Variants in TBC1D22A observed in about 807,000 individuals in gnomAD.
TBC1D22A encodes putative GTPase activator.
In TBC1D22A, 38 loss-of-function variants were observed where a neutral mutation model predicts 60.2. That is an observed-to-expected ratio of 0.63 (90% CI 0.49 to 0.83). The LOEUF (loss-of-function observed/expected upper bound fraction) is 0.83. Ranked by LOEUF, TBC1D22A falls within the 40% of genes least tolerant of loss-of-function variation. The pLI is 0.00. For synonymous variants in TBC1D22A, 302 were observed against 281.7 expected (o/e 1.07, Z -0.72); for missense variants, 628 against 701.0 (o/e 0.90, Z 1.18).
intron 5 of TBC1D22A, among the ~76,000 whole-genome samples, chr22:46,883,054 T>C (rs2067929565): frequency 6.6e-6 from 1 of 152,280 alleles, no homozygotes; most frequent in Non-Finnish European, 1.5e-5. Context: ...TAGTAACTTT[T>C]TAAAAATTAC....
chr22:46,844,757 G>C (rs191735948), intron 4 of TBC1D22A, among the ~76,000 whole-genome samples: 30 of 152,334 alleles, frequency 2.0e-4, no homozygotes, highest in African/African-American at 6.3e-4. Context: ...CATCATAGCA[G>C]TTGACGGTCT....
At chr22:47,025,394 T>C (rs1006382796) in intron 10 of TBC1D22A, among the ~76,000 whole-genome samples, 1 of 152,258 alleles carries the variant, frequency 6.6e-6, no homozygotes, top group Non-Finnish European at 1.5e-5. Context: ...ATATGAAGTA[T>C]TTTTTGTTTT....
At chr22:46,794,995 T>TA (rs1290873589) in intron 3 of TBC1D22A, among the ~76,000 whole-genome samples, 1 of 152,242 alleles carries the variant, frequency 6.6e-6, no homozygotes. Flanking sequence ...GTCTAGTTTT[T>TA]AAAACCACTT....
At chr22:46,999,368 T>A (rs1283599528) in intron 10 of TBC1D22A, among the ~76,000 whole-genome samples, 1 of 152,238 alleles carries the variant, frequency 6.6e-6, no homozygotes, top group Non-Finnish European at 1.5e-5. Context: ...AAAGGATCAG[T>A]GCTTCACAAC....
intron 4 of TBC1D22A, among the ~76,000 whole-genome samples, chr22:46,863,862 C>A (rs2066925464): frequency 6.6e-6 from 1 of 152,180 alleles, no homozygotes; most frequent in African/African-American, 2.4e-5. Context: ...CTCCATTCTC[C>A]TGTCTGCCGG....
chr22:46,826,060 T>A (rs1213254874), intron 4 of TBC1D22A, among the ~76,000 whole-genome samples: 2 of 152,068 alleles, frequency 1.3e-5, no homozygotes, highest in Non-Finnish European at 2.9e-5. Context: ...TTTTTTGTAT[T>A]TTTAGTGAGA....
At chr22:46,991,634 C>T (rs1323434341) in intron 9 of TBC1D22A, among the ~76,000 whole-genome samples, 1 of 152,242 alleles carries the variant, frequency 6.6e-6, no homozygotes. Flanking sequence ...ACCCCTCCAT[C>T]CTCATTTGGC....
chr22:47,007,899 T>C (rs554093772), intron 10 of TBC1D22A, among the ~76,000 whole-genome samples: 10 of 152,334 alleles, frequency 6.6e-5, no homozygotes, highest in African/African-American at 2.4e-4. Context: ...AACACTAACA[T>C]TCAGCTTGGA....
intron 4 of TBC1D22A, among the ~76,000 whole-genome samples, chr22:46,839,592 C>T (rs2086665444): frequency 6.6e-6 from 1 of 152,122 alleles, no homozygotes; most frequent in Non-Finnish European, 1.5e-5. Context: ...AGAAGAAAAA[C>T]AATCCTAAAA....
intron 12 of TBC1D22A, among the ~76,000 whole-genome samples, chr22:47,122,962 T>C (rs1251490965): frequency 6.6e-6 from 1 of 152,226 alleles, no homozygotes; most frequent in Admixed American, 6.5e-5. Flanking sequence ...TAAAGATCAA[T>C]GGCAGCTTTA....
chr22:47,173,766 A>G lies in TBC1D22A; in HGVS notation c.*140A>G, dbSNP rs1308456772. The G allele has an allele frequency of 7.6e-7, 1 of 1,320,750 alleles. No individual in the cohort carries two copies. The highest frequency in any genetic ancestry group is 1.0e-6 in the Non-Finnish European group (1 of 957,518). 81.8% of individuals were successfully genotyped at this position (1,320,750 alleles called of 1,614,324 possible). ...CCCCACCCTCCAGGGGAGCTGGTGA[A>G]GATGGGCCACAGACCTGGTCTAGGG... is the stretch of plus-strand genomic sequence containing the variant. On this transcript the variant is annotated 3_prime_UTR_variant, in exon 13 of 13. Transcript: ENST00000337137.
intron 4 of TBC1D22A, among the ~76,000 whole-genome samples, chr22:46,840,027 A>G (rs145896994): frequency 2.1e-3 from 314 of 152,342 alleles, no homozygotes; most frequent in African/African-American, 7.3e-3. Context: ...GCTTCTTGAC[A>G]TTGTTCTGCT....
At chr22:47,014,171 A>G (rs10427864) in intron 10 of TBC1D22A, among the ~76,000 whole-genome samples, 6,324 of 152,132 alleles carry the variant, frequency 0.042, 409 homozygotes, top group African/African-American at 0.15. Flanking sequence ...CATCCGGGCT[A>G]CCCCTGGCTT....
chr22:46,766,642 C>T (rs1294777404), intron 1 of TBC1D22A, among the ~76,000 whole-genome samples: 2 of 152,162 alleles, frequency 1.3e-5, no homozygotes, highest in African/African-American at 2.4e-5. Flanking sequence ...TTCAAGTGAT[C>T]TTCCTGCCTC....
intron 12 of TBC1D22A, among the ~76,000 whole-genome samples, chr22:47,131,652 GGC>G (rs2066681964): frequency 6.6e-6 from 1 of 152,234 alleles, no homozygotes; most frequent in Non-Finnish European, 1.5e-5. Context: ...GGCATGTCAA[GGC>G]CATTCCTGCT....
At chr22:47,161,346 G>A (rs1011909004) in intron 12 of TBC1D22A, among the ~76,000 whole-genome samples, 5 of 152,174 alleles carry the variant, frequency 3.3e-5, no homozygotes, top group African/African-American at 7.2e-5. Context: ...TGGTATGGGG[G>A]GCACTGGGCT....
At chr22:47,133,098 A>T (rs1319105843) in intron 12 of TBC1D22A, among the ~76,000 whole-genome samples, 3 of 152,382 alleles carry the variant, frequency 2.0e-5, no homozygotes, top group Admixed American at 6.5e-5. Context: ...AAAATGTAAC[A>T]GCCTATCCAC....
chr22:46,861,227 G>A lies in TBC1D22A; in HGVS notation c.638-17426G>A, dbSNP rs2087866129. ...CCGTGCCTCGGCTTCCCAAAGTGCT[G>A]GGATTATAAACTTAATTTTTAGAAT... On this transcript the variant is annotated intron_variant, in intron 4 of 12. Transcript: ENST00000337137. 2.0e-5 allele frequency among the ~76,000 whole-genome samples: 3 copies of A among 152,114 alleles called. No homozygotes were observed. The South Asian group carries it at 6.2e-4, about 32-fold the overall frequency.
At chr22:47,151,797 C>A (rs2067514073) in intron 12 of TBC1D22A, among the ~76,000 whole-genome samples, 1 of 152,186 alleles carries the variant, frequency 6.6e-6, no homozygotes, top group Non-Finnish European at 1.5e-5. Context: ...ATAAAGCCAC[C>A]ATGCCGGCCT....
Sources: gnomAD v4.1 joint callset for allele counts (sites outside exome capture counted in the v4.1 genomes callset) on GRCh38, gnomAD v4.1.1 for gene constraint, MANE v1.5 for transcripts, NCBI Gene and HGNC (gene_info 2026-07-23, HGNC 2026-07-21) for gene names.